EIF4G1: variants seen among roughly 807,000 people sequenced by gnomAD.
EIF4G1 encodes EIF4-gamma.
A neutral mutation model predicts 187.8 loss-of-function variants in EIF4G1; 4 were observed. The observed-to-expected ratio is 0.02, with a 90% CI of 0.01 to 0.05. The LOEUF is 0.05. EIF4G1 is among the 10% of genes least tolerant of loss of function. The pLI is 1.00. For synonymous variants in EIF4G1, 844 were observed against 781.4 expected (o/e 1.08, Z -1.34); for missense variants, 1,647 against 2,081.1 (o/e 0.79, Z 4.06).
chr3:184,333,459 A>T (rs1726531473), intron 32 of EIF4G1, among the ~76,000 whole-genome samples: 1 of 152,154 alleles, frequency 6.6e-6, no homozygotes, highest in Non-Finnish European at 1.5e-5. Flanking sequence ...ATACAGCCCC[A>T]AGGAGGTAGA....
Position 184,315,819 on chromosome 3 carries a change from C to T in EIF4G1, c.23C>T (p.Thr8Ile), listed in dbSNP as rs1178152647. MNKAPQS[T>I]GPPPAPSPGL... ...GAAATGAACAAAGCTCCACAGTCCA[C>T]AGGCCCCCCACCCGCCCCATCCCCC... Residue 8 changes from threonine (T) to isoleucine (I), a missense_variant, in exon 3 of 33, where the codon ACA becomes ATA. Around this residue, in one of 11 missense-constraint regions of EIF4G1, gnomAD observed 61 missense variants for 49.5 expected, o/e 1.23. Coordinates refer to ENST00000346169, the MANE Select transcript of EIF4G1 (RefSeq NM_198241.3). 3.2e-6 allele frequency: 5 copies of T among 1,551,394 alleles called. No individual in the cohort carries two copies. In the African/African-American group the frequency reaches 5.5e-5, roughly 17 times the overall value.
intron 23 of EIF4G1, 31 bp downstream of exon 23, chr3:184,327,014 C>T: frequency 6.2e-7 from 1 of 1,613,080 alleles, no homozygotes; most frequent in South Asian, 1.1e-5. Context: ...TTGTTATTCA[C>T]ACTGGGGGTA....
In EIF4G1 at chr3:184,325,091, G is replaced by A; in HGVS notation, c.2833G>A (p.Asp945Asn). 1 of 1,614,198 alleles carries A rather than the reference G, an allele frequency of 6.2e-7. No homozygotes were observed. Among genetic ancestry groups the A allele is most frequent in the Non-Finnish European group, 8.5e-7 (1 of 1,180,042 alleles). ...TCGTCTGCTCACCACCATTGGCAAAGACCTGGACTTTGAAAAAGCCAAGGT... is the reference window on the plus strand; with the variant it reads ...TCGTCTGCTCACCACCATTGGCAAAAACCTGGACTTTGAAAAAGCCAAGGT... ...LCRLLTTIGK[D>N]LDFEKAKPRM... The change falls in exon 18 of 33, where the codon GAC (aspartate) becomes AAC (asparagine). Residue 945 changes from aspartate to asparagine, a missense_variant. This residue lies in a region of EIF4G1 where 142 missense variants were observed against 296.6 expected (regional missense o/e 0.48). Coordinates refer to ENST00000346169, the MANE Select transcript of EIF4G1 (RefSeq NM_198241.3). This position sits in a 1 kb window ranked among gnomAD's most constrained non-coding sequence, Gnocchi z 5.2.
At chr3:184,320,494 C>T in intron 7 of EIF4G1, 136 bp from the exon 8 acceptor site, 1 of 1,551,854 alleles carries the variant, frequency 6.4e-7, no homozygotes, top group South Asian at 1.2e-5. Flanking sequence ...GAAAGTGGAA[C>T]TCAAGGGGTT....
At chr3:184,315,605 AGCAT>A in intron 2 of EIF4G1, 60 bp downstream of exon 2, 1 of 771,630 alleles carries the variant, frequency 1.3e-6, no homozygotes, top group Non-Finnish European at 2.4e-6. Flanking sequence ...CGGGTTTGAC[AGCAT>A]GTTGGTGGGG....
intron 5 of EIF4G1, 69 bp downstream of exon 5, chr3:184,317,566 T>C (rs758888442): frequency 1.2e-5 from 19 of 1,591,402 alleles, no homozygotes; most frequent in Admixed American, 1.7e-5. Context: ...ACCCTGACCC[T>C]CCAGTTCCAT....
At position 184,327,530 on chromosome 3, in the gene EIF4G1, A is replaced by G. The variant is rs1725176003; in HGVS notation, c.3662-56A>G. ...GTCCCCAGCTTTTTGAGAGCTCCAA[A>G]TCTTGTTTGCTGGGAAGACTGAAAA... On this transcript the variant is annotated intron_variant, in intron 24 of 32. Coordinates refer to ENST00000346169, the MANE Select transcript of EIF4G1 (RefSeq NM_198241.3). 6.2e-6 allele frequency: 10 copies of G among 1,613,060 alleles called. No individual in the cohort carries two copies. In the Admixed American group the frequency reaches 1.7e-4, roughly 27 times the overall value.
intron 21 of EIF4G1, 140 bp downstream of exon 21, chr3:184,326,091 G>A: frequency 1.2e-6 from 1 of 849,182 alleles, no homozygotes; most frequent in Non-Finnish European, 1.9e-6. Context: ...ACTGCCAGCT[G>A]TAGAGGGAGG....
chr3:184,333,087 G>A (rs1283463716), intron 32 of EIF4G1, among the ~76,000 whole-genome samples: 5 of 152,178 alleles, frequency 3.3e-5, no homozygotes, highest in Non-Finnish European at 7.4e-5. Flanking sequence ...GTGGAGAGGA[G>A]TAGGCAGATC....
At chr3:184,316,095 C>T in intron 3 of EIF4G1, 37 bp from the exon 4 acceptor site, 5 of 1,613,628 alleles carry the variant, frequency 3.1e-6, no homozygotes, top group Non-Finnish European at 4.2e-6. Context: ...CCCACCTGGG[C>T]TTCCCCTCTT....
At chr3:184,333,670 A>C (rs955278909) in intron 32 of EIF4G1, among the ~76,000 whole-genome samples, 1 of 152,226 alleles carries the variant, frequency 6.6e-6, no homozygotes, top group Non-Finnish European at 1.5e-5. Flanking sequence ...CAGGGGACAG[A>C]TTCTGGATTG....
Position 184,326,947 on chromosome 3 carries a change from C to T in EIF4G1, c.3392C>T (p.Pro1131Leu). 1 of 1,614,218 alleles carries T rather than the reference C, an allele frequency of 6.2e-7. No individual in the cohort carries two copies. The highest frequency in any genetic ancestry group is 8.5e-7 in the Non-Finnish European group (1 of 1,180,048). Residue 1131 changes from proline (P) to leucine (L), a missense_variant, in exon 23 of 33, where the codon CCC (proline) becomes CTC (leucine). Physicochemically the swap from Pro to Leu is moderately conservative, Grantham distance 98. This residue lies in a region of EIF4G1 where 543 missense variants were observed against 638.0 expected (regional missense o/e 0.85). Transcript: ENST00000346169. ...TTCTCAGCCCTTCAACAAGCGGTACCCACAGAAAGCACAGATAATAGACGT... is the reference window on the plus strand; with the variant it reads ...TTCTCAGCCCTTCAACAAGCGGTACTCACAGAAAGCACAGATAATAGACGT... ...NRFSALQQAVPTESTDNRRVV... is the reference protein window; with the variant it reads ...NRFSALQQAVLTESTDNRRVV...
chr3:184,325,692 T>C lies in EIF4G1; in HGVS notation c.3121+53T>C. 6.2e-7 allele frequency: 1 copy of C among 1,614,010 alleles called. No individual in the cohort carries two copies. Among genetic ancestry groups the C allele is most frequent in the South Asian group, 1.1e-5 (1 of 91,062 alleles). On this transcript the variant is annotated intron_variant, in intron 20 of 32. Transcript: ENST00000346169. The surrounding 1 kb of genome is among the most constrained non-coding windows in gnomAD (Gnocchi z 5.2). ...GAGCAGTGAAGGGACCGGGAGGTTATACTTTCCTCTGATGACTTCCTGTTA... is the reference window on the plus strand; with the variant it reads ...GAGCAGTGAAGGGACCGGGAGGTTACACTTTCCTCTGATGACTTCCTGTTA...
intron 22 of EIF4G1, 52 bp from the exon 23 acceptor site, chr3:184,326,829 A>G (rs1725018775): frequency 6.2e-7 from 1 of 1,608,316 alleles, no homozygotes. Context: ...AGTAGGGGAT[A>G]AAATGCAGGA....
At chr3:184,318,650 G>T (rs1411504243) in intron 6 of EIF4G1, among the ~76,000 whole-genome samples, 1 of 152,158 alleles carries the variant, frequency 6.6e-6, no homozygotes, top group Non-Finnish European at 1.5e-5. Flanking sequence ...TGTCACCCAG[G>T]CTGGAATGTA....
chr3:184,332,819 A>G (rs1037698580), intron 32 of EIF4G1, among the ~76,000 whole-genome samples: 1 of 152,196 alleles, frequency 6.6e-6, no homozygotes, highest in Non-Finnish European at 1.5e-5. Flanking sequence ...GAGCACAGCA[A>G]CCAGTCCTAA....
chr3:184,322,219 C>T, intron 10 of EIF4G1, 116 bp downstream of exon 10: 9 of 1,552,824 alleles, frequency 5.8e-6, no homozygotes, highest in Non-Finnish European at 8.0e-6. Flanking sequence ...AATCTAAGAA[C>T]TAGATTAAGG....
Position 184,327,451 on chromosome 3 carries a change from G to T in EIF4G1, c.3661+3G>T. 1 of 1,613,612 alleles carries T rather than the reference G, an allele frequency of 6.2e-7. No individual in the cohort carries two copies. Among genetic ancestry groups the T allele is most frequent in the South Asian group, 1.1e-5 (1 of 91,084 alleles). ...TCGGGACCGTGGGCGGGATGCCGGT[G>T]AGAGTCTGGGAGAGGAATGGAGGGA... On this transcript the variant is annotated splice_donor_region_variant and intron_variant, in intron 24 of 32. Transcript: ENST00000346169.
rs1724658945 is a variant in EIF4G1, at chr3:184,325,238, G to A, written c.2857-31G>A. The A allele has an allele frequency of 6.2e-7, 1 of 1,613,026 alleles. No homozygotes were observed. Among genetic ancestry groups the A allele is most frequent in the African/African-American group, 1.3e-5 (1 of 74,926 alleles). On this transcript the variant is annotated intron_variant, in intron 18 of 32. Coordinates refer to ENST00000346169, the MANE Select transcript of EIF4G1 (RefSeq NM_198241.3). The surrounding 1 kb of genome is among the most constrained non-coding windows in gnomAD (Gnocchi z 5.2). The stretch of plus-strand genomic sequence containing the variant: ...TGCAGTTATAGGTGGGACATGAGAA[G>A]TTCCTGGTCTGATGCCTTTCTCCTT...
Sources: allele counts gnomAD v4.1 joint callset (sites outside exome capture counted in the v4.1 genomes callset), GRCh38; gene constraint gnomAD v4.1.1; regional missense constraint gnomAD v4.1.1; non-coding constraint Gnocchi (gnomAD v3.1); transcripts MANE v1.5; gene names NCBI Gene and HGNC (gene_info 2026-07-23, HGNC 2026-07-21).